The following FGF14 variants were observed in gnomAD, a reference collection of about 807,000 sequenced individuals.
FGF14 encodes fibroblast growth factor 14.
A neutral mutation model predicts 25.5 loss-of-function variants in FGF14; 5 were observed. That is an observed-to-expected ratio of 0.20 (90% CI 0.10 to 0.41). FGF14 has a LOEUF of 0.41. Ranked by LOEUF, FGF14 falls within the 10% of genes least tolerant of loss-of-function variation. The probability of loss-of-function intolerance (pLI) is 1.00; values close to 1 mark genes in which losing one functional copy is unlikely to be tolerated. For synonymous variants in FGF14, 138 were observed against 118.3 expected (o/e 1.17, Z -1.08); for missense variants, 222 against 320.1 (o/e 0.69, Z 2.34).
intron 1 of FGF14, among the ~76,000 whole-genome samples, chr13:102,083,847 T>C (rs982683628): frequency 2.6e-5 from 4 of 152,116 alleles, no homozygotes; most frequent in African/African-American, 9.7e-5. Flanking sequence ...GAATTTGGAG[T>C]TTTCATTATT....
At chr13:102,051,788 C>T (rs1161579547) in intron 1 of FGF14, among the ~76,000 whole-genome samples, 1 of 152,116 alleles carries the variant, frequency 6.6e-6, no homozygotes, top group South Asian at 2.1e-4. Context: ...GCAAGACTAG[C>T]CAGTAGAGTC....
At chr13:102,318,077 C>G (rs2056101854) in intron 1 of FGF14, among the ~76,000 whole-genome samples, 1 of 152,176 alleles carries the variant, frequency 6.6e-6, no homozygotes, top group Non-Finnish European at 1.5e-5. Context: ...ATAATGGTAT[C>G]TGGCATTTTC....
chr13:101,813,198 C>T (rs534533295), intron 3 of FGF14, among the ~76,000 whole-genome samples: 3 of 152,088 alleles, frequency 2.0e-5, no homozygotes, highest in African/African-American at 4.8e-5. Flanking sequence ...GAATTTTAAA[C>T]GAGTGTCCTT....
At chr13:101,978,587 T>A (rs1230160846) in intron 1 of FGF14, among the ~76,000 whole-genome samples, 1 of 152,234 alleles carries the variant, frequency 6.6e-6, no homozygotes, top group Non-Finnish European at 1.5e-5. Flanking sequence ...ATGGGTTTTC[T>A]AAGCATTAAA....
chr13:101,950,798 GAGA>G (rs748839604), intron 1 of FGF14, among the ~76,000 whole-genome samples: 1 of 148,476 alleles, frequency 6.7e-6, no homozygotes, highest in Non-Finnish European at 1.5e-5. Context: ...AAGCTAATAG[GAGA>G]AGAACAGGTT....
At chr13:102,150,806 TCTA>T (rs1187836292) in intron 1 of FGF14, among the ~76,000 whole-genome samples, 2 of 152,030 alleles carry the variant, frequency 1.3e-5, no homozygotes, top group African/African-American at 4.8e-5. Context: ...GTCTAGGAGG[TCTA>T]CTGGTATGTT....
chr13:102,224,139 T>C (rs1432714701), intron 1 of FGF14, among the ~76,000 whole-genome samples: 2 of 152,166 alleles, frequency 1.3e-5, no homozygotes, highest in African/African-American at 2.4e-5. Context: ...TATAACTTTT[T>C]CCTATCATTA....
chr13:101,965,599 A>C (rs1007306045), intron 1 of FGF14, among the ~76,000 whole-genome samples: 1 of 152,108 alleles, frequency 6.6e-6, no homozygotes, highest in Non-Finnish European at 1.5e-5. Flanking sequence ...CCAAATACTT[A>C]AGGAGAGAAT....
At chr13:101,925,610 T>G (rs1260764768) in intron 1 of FGF14, among the ~76,000 whole-genome samples, 1 of 152,242 alleles carries the variant, frequency 6.6e-6, no homozygotes, top group African/African-American at 2.4e-5. Context: ...GTAGGAAATG[T>G]TATAATTTTA....
At chr13:102,092,365 C>T (rs2044204251) in intron 1 of FGF14, among the ~76,000 whole-genome samples, 1 of 152,180 alleles carries the variant, frequency 6.6e-6, no homozygotes, top group African/African-American at 2.4e-5. Flanking sequence ...GCACTTATCC[C>T]AATTACGGGT....
At chr13:102,006,185 G>C (rs2139768983) in intron 1 of FGF14, among the ~76,000 whole-genome samples, 1 of 152,128 alleles carries the variant, frequency 6.6e-6, no homozygotes, top group Admixed American at 6.5e-5. Context: ...GAGAACCTGG[G>C]GAAATGTATA....
intron 1 of FGF14, among the ~76,000 whole-genome samples, chr13:102,050,499 C>A (rs1445033991): frequency 5.3e-5 from 8 of 152,068 alleles, no homozygotes; most frequent in Non-Finnish European, 7.3e-5. Flanking sequence ...TCAAGATGCC[C>A]ATATATTTCT....
rs577810584 is a variant in FGF14, at chr13:102,085,123, C to T, written c.209-209827G>A. On this transcript the variant is annotated intron_variant, in intron 1 of 4. Transcript: ENST00000376131. ...GCATTTACCACCTTTCCTCTGCCCC[C>T]TTTGTGCAATACACGCTCTACATAC... 3.3e-5 allele frequency among the ~76,000 whole-genome samples: 5 copies of T among 152,322 alleles called. No individual in the cohort carries two copies. In the South Asian group the frequency reaches 8.3e-4, roughly 25 times the overall value.
chr13:101,951,833 A>AC (rs2036186057), intron 1 of FGF14, among the ~76,000 whole-genome samples: 1 of 152,198 alleles, frequency 6.6e-6, no homozygotes, highest in African/African-American at 2.4e-5. Flanking sequence ...ACATTAATAA[A>AC]CCAGACCATC....
chr13:101,950,462 T>C (rs551714122), intron 1 of FGF14, among the ~76,000 whole-genome samples: 1 of 152,212 alleles, frequency 6.6e-6, no homozygotes, highest in Non-Finnish European at 1.5e-5. Context: ...ATAGAAAGCA[T>C]GCCTTTTACT....
At chr13:102,002,957 A>G (rs535456508) in intron 1 of FGF14, 1 of 152,358 alleles carries the variant, frequency 6.6e-6, no homozygotes, top group African/African-American at 2.4e-5. Context: ...TTAAATTAAT[A>G]AACCCAACAC....
chr13:101,950,289 A>C (rs770499320), intron 1 of FGF14, among the ~76,000 whole-genome samples: 1 of 152,204 alleles, frequency 6.6e-6, no homozygotes, highest in Non-Finnish European at 1.5e-5. Flanking sequence ...ACTCTGTTAC[A>C]TGTAGCTGAA....
chr13:102,261,735 T>C (rs1020373028), intron 1 of FGF14, among the ~76,000 whole-genome samples: 3 of 152,232 alleles, frequency 2.0e-5, no homozygotes, highest in African/African-American at 7.2e-5. Flanking sequence ...TTTCAAAGAC[T>C]TTCATAAGTT....
chr13:102,310,365 G>A (rs948264029), intron 1 of FGF14, among the ~76,000 whole-genome samples: 4 of 152,164 alleles, frequency 2.6e-5, no homozygotes, highest in Non-Finnish European at 1.5e-5. Flanking sequence ...TATTTAAAGT[G>A]AGAAATCCTA....
Sources: allele counts gnomAD v4.1 joint callset (sites outside exome capture counted in the v4.1 genomes callset), GRCh38; gene constraint gnomAD v4.1.1; transcripts MANE v1.5; gene names NCBI Gene and HGNC (gene_info 2026-07-23, HGNC 2026-07-21).